The following FMN1 variants were observed in gnomAD, a reference collection of about 807,000 sequenced individuals.
FMN1 encodes formin-1.
In FMN1, 110 loss-of-function variants were observed where a neutral mutation model predicts 132.4. The ratio of observed to expected loss-of-function variants is 0.83; its 90% CI spans 0.71 to 0.97. FMN1 has a LOEUF of 0.97. FMN1 is among the 50% of genes least tolerant of loss of function. FMN1 has a pLI of 0.00. For synonymous variants in FMN1, 722 were observed against 651.7 expected, an observed-to-expected ratio of 1.11 and a Z score of -1.64; for missense variants, 1,792 against 1,705.3, an observed-to-expected ratio of 1.05 and a Z score of -0.90.
intron 4 of FMN1, among the ~76,000 whole-genome samples, chr15:33,119,029 G>A (rs1962299590): frequency 6.6e-6 from 1 of 152,124 alleles, no homozygotes; most frequent in Non-Finnish European, 1.5e-5. Context: ...CACCCCTGCA[G>A]GTATCAACTG....
chr15:32,989,854 A>G (rs1389374992), intron 7 of FMN1, among the ~76,000 whole-genome samples: 2 of 152,182 alleles, frequency 1.3e-5, no homozygotes, highest in African/African-American at 2.4e-5. Flanking sequence ...GTTGTCAAGG[A>G]TGCATCTGAG....
chr15:33,044,083 T>C (rs1019123725), intron 6 of FMN1, among the ~76,000 whole-genome samples: 1 of 152,114 alleles, frequency 6.6e-6, no homozygotes, highest in African/African-American at 2.4e-5. Flanking sequence ...CATAACCTAG[T>C]TGGGTATCTA....
chr15:33,170,181 C>T (rs1965264355), intron 3 of FMN1, among the ~76,000 whole-genome samples: 1 of 152,078 alleles, frequency 6.6e-6, no homozygotes, highest in South Asian at 2.1e-4. Flanking sequence ...ACACCCCCTT[C>T]AATATACAGT....
chr15:32,769,114 C>A lies in FMN1; in HGVS notation c.*5196G>T, dbSNP rs2056144022. On this transcript the variant is annotated 3_prime_UTR_variant, in exon 21 of 21. Transcript: ENST00000616417. ...GCTTAATTTGCTTCCCTAATCTCTC[C>A]ATTGGTAGAAATTGCATAGTGGCTT... 6.6e-6 allele frequency: 1 copy of A among 152,308 alleles called. No individual in the cohort carries two copies. Among genetic ancestry groups the A allele is most frequent in the Non-Finnish European group, 1.5e-5 (1 of 68,036 alleles). 9.4% of individuals were successfully genotyped at this position (152,308 alleles called of 1,614,324 possible).
rs115443390 is a variant in FMN1 at position 33,147,603 on chromosome 15, T to A, written c.1867+5445A>T. On this transcript the variant is annotated intron_variant, in intron 4 of 20. Transcript: ENST00000616417. ...TCCTCAAAGCATAATTCAATCTTAA[T>A]CTGGGGAAAAATGCACAGGCATAGA... 2.3e-3 allele frequency among the ~76,000 whole-genome samples: 355 copies of A among 152,332 alleles called. 2 individuals carry two copies. The highest frequency in any genetic ancestry group is 8.0e-3 in the African/African-American group (333 of 41,580).
intron 6 of FMN1, among the ~76,000 whole-genome samples, chr15:33,011,258 T>C (rs1032724724): frequency 1.3e-5 from 2 of 152,172 alleles, no homozygotes; most frequent in African/African-American, 2.4e-5. Context: ...CCATGATTTA[T>C]AGGGTCACTT....
At position 32,849,912 on chromosome 15, in the gene FMN1, C is replaced by A. The variant is rs936446903; in HGVS notation, c.3928+7103G>T. Among the ~76,000 whole-genome samples, 4 of 152,316 alleles carry A rather than the reference C, an allele frequency of 2.6e-5. No homozygotes were observed. In the East Asian group the frequency reaches 7.7e-4, roughly 29 times the overall value. On this transcript the variant is annotated intron_variant, in intron 17 of 20. Transcript: ENST00000616417. ...CCTCAGGTGATCCGCCTGCCTTGGC[C>A]TCCCAAAGTGCAGGGATTACAGGCT...
chr15:33,114,297 A>T (rs1450087011), intron 4 of FMN1, among the ~76,000 whole-genome samples: 3 of 152,220 alleles, frequency 2.0e-5, no homozygotes, highest in African/African-American at 4.8e-5. Context: ...CAGGACTCTA[A>T]AGTATAGCAT....
intron 17 of FMN1, among the ~76,000 whole-genome samples, chr15:32,804,840 T>C (rs533956181): frequency 5.3e-5 from 8 of 152,204 alleles, no homozygotes; most frequent in Non-Finnish European, 8.8e-5. Flanking sequence ...GGGCATGAAC[T>C]TACCCTTTTT....
intron 19 of FMN1, among the ~76,000 whole-genome samples, chr15:32,780,865 G>A (rs945760513): frequency 2.6e-5 from 4 of 151,886 alleles, no homozygotes; most frequent in Non-Finnish European, 5.9e-5. Context: ...TACACTGTGC[G>A]TATAATTTTA....
chr15:33,018,103 A>AC (rs1369899967), intron 6 of FMN1, among the ~76,000 whole-genome samples: 1 of 150,942 alleles, frequency 6.6e-6, no homozygotes, highest in Non-Finnish European at 1.5e-5. Flanking sequence ...TTAAAATCCT[A>AC]CCCCCTTAAG....
intron 7 of FMN1, among the ~76,000 whole-genome samples, chr15:32,977,581 G>A (rs1027574717): frequency 6.6e-6 from 1 of 152,018 alleles, no homozygotes; most frequent in Non-Finnish European, 1.5e-5. Context: ...TTTTATATAT[G>A]TCTGAAATGA....
At chr15:32,822,361 C>G (rs895375889) in intron 17 of FMN1, among the ~76,000 whole-genome samples, 3 of 152,012 alleles carry the variant, frequency 2.0e-5, no homozygotes, top group Non-Finnish European at 4.4e-5. Flanking sequence ...AACAAACAAA[C>G]AAACAAAAAA....
At chr15:32,859,591 A>G (rs1166013525) in intron 16 of FMN1, among the ~76,000 whole-genome samples, 1 of 152,220 alleles carries the variant, frequency 6.6e-6, no homozygotes, top group African/African-American at 2.4e-5. Context: ...TCTTTCAAAC[A>G]TATCTATCAC....
At chr15:32,805,382 T>C (rs542189529) in intron 17 of FMN1, among the ~76,000 whole-genome samples, 48 of 152,348 alleles carry the variant, frequency 3.2e-4, no homozygotes, top group African/African-American at 1.2e-3. Flanking sequence ...TTGTTTTTCT[T>C]TGTGGATTCT....
At chr15:33,145,537 A>C (rs1420263549) in intron 4 of FMN1, among the ~76,000 whole-genome samples, 1 of 151,674 alleles carries the variant, frequency 6.6e-6, no homozygotes, top group Admixed American at 6.6e-5. Flanking sequence ...GCATGAATCC[A>C]TGGGGCTGGC....
chr15:32,813,519 A>G (rs1312135332), intron 17 of FMN1, among the ~76,000 whole-genome samples: 2 of 152,126 alleles, frequency 1.3e-5, no homozygotes, highest in African/African-American at 4.8e-5. Context: ...TGGCCTTCAG[A>G]CTTTATGAAG....
At chr15:32,863,107 A>G (rs1329396343) in intron 16 of FMN1, among the ~76,000 whole-genome samples, 1 of 152,216 alleles carries the variant, frequency 6.6e-6, no homozygotes, top group African/African-American at 2.4e-5. Flanking sequence ...AAAGCCTAGA[A>G]TGCTTGGTTA....
At chr15:32,843,547 T>C (rs998846814) in intron 17 of FMN1, among the ~76,000 whole-genome samples, 2 of 152,348 alleles carry the variant, frequency 1.3e-5, no homozygotes, top group East Asian at 3.9e-4. Flanking sequence ...CAATTTCAAA[T>C]AGACTTTTTA....
Sources: allele counts gnomAD v4.1 joint callset (sites outside exome capture counted in the v4.1 genomes callset), GRCh38; gene constraint gnomAD v4.1.1; transcripts MANE v1.5; gene names NCBI Gene and HGNC (gene_info 2026-07-23, HGNC 2026-07-21).